The following NR6A1 variants were observed in gnomAD, a reference collection of about 807,000 sequenced individuals.
NR6A1 encodes the protein retinoic acid receptor-related testis-associated receptor.
NR6A1 carries 7 observed loss-of-function variants against 59.1 expected under a neutral mutation model. The observed-to-expected ratio is 0.12, with a 90% confidence interval of 0.07 to 0.22. The LOEUF (loss-of-function observed/expected upper bound fraction) is 0.22, where lower values mean the gene tolerates loss of function less well. NR6A1 is among the 10% of genes least tolerant of loss of function. The pLI is 1.00. For missense variants in NR6A1, 468 were observed against 611.6 expected (o/e 0.77, Z 2.48); for synonymous variants, 243 against 236.1 (o/e 1.03, Z -0.27).
At chr9:124,532,442 A>G (rs758596730) in intron 7 of NR6A1, among the ~76,000 whole-genome samples, 7 of 151,928 alleles carry the variant, frequency 4.6e-5, no homozygotes, top group Non-Finnish European at 7.4e-5. Flanking sequence ...CACCAACACA[A>G]CCCTGCACTG....
chr9:124,747,072 C>CA (rs1004897119), intron 1 of NR6A1, among the ~76,000 whole-genome samples: 1 of 152,004 alleles, frequency 6.6e-6, no homozygotes, highest in Non-Finnish European at 1.5e-5. Flanking sequence ...TAAATACAGA[C>CA]ACATTATCAA....
intron 3 of NR6A1, among the ~76,000 whole-genome samples, chr9:124,552,199 A>T (rs919299392): frequency 6.6e-6 from 1 of 152,222 alleles, no homozygotes; most frequent in African/African-American, 2.4e-5. Context: ...CTTTCATAAG[A>T]TACTCACAGT....
At chr9:124,565,123 G>C (rs535572065) in intron 2 of NR6A1, among the ~76,000 whole-genome samples, 1 of 152,200 alleles carries the variant, frequency 6.6e-6, no homozygotes, top group South Asian at 2.1e-4. Context: ...GAGTTATAAA[G>C]AGATTTTAAA....
intron 2 of NR6A1, among the ~76,000 whole-genome samples, chr9:124,626,218 C>G (rs1304404811): frequency 6.6e-6 from 1 of 152,178 alleles, no homozygotes; most frequent in Non-Finnish European, 1.5e-5. Context: ...GCTGGCCAGG[C>G]TGGTCTTGAA....
chr9:124,635,289 C>T (rs755016881), intron 2 of NR6A1, among the ~76,000 whole-genome samples: 1 of 152,010 alleles, frequency 6.6e-6, no homozygotes, highest in Admixed American at 6.6e-5. Flanking sequence ...GTGTCCCCAC[C>T]GAAATCTCAC....
At chr9:124,654,727 T>C (rs12350777) in intron 2 of NR6A1, among the ~76,000 whole-genome samples, 2,710 of 152,272 alleles carry the variant, frequency 0.018, 82 homozygotes, top group African/African-American at 0.061. Context: ...CCCTATTTTC[T>C]TCACAGTGTA....
At position 124,566,082 on chromosome 9, in the gene NR6A1, G is replaced by C. The variant is rs148996317; in HGVS notation, c.143-11512C>G. On this transcript the variant is annotated intron_variant, in intron 2 of 9. Transcript: ENST00000487099. Reference sequence around the variant, plus strand: ...ATGTTCATTGACATTACTACAGATGGTATGCGTTCAACAATGAAATACTAT... The same window carrying C: ...ATGTTCATTGACATTACTACAGATGCTATGCGTTCAACAATGAAATACTAT... Among the ~76,000 whole-genome samples, 481 of 152,338 alleles carry C rather than the reference G, an allele frequency of 3.2e-3. 2 individuals carry two copies. Among genetic ancestry groups the C allele is most frequent in the Non-Finnish European group, 5.5e-3 (377 of 68,038 alleles).
intron 1 of NR6A1, among the ~76,000 whole-genome samples, chr9:124,741,393 G>A (rs1273108719): frequency 6.6e-6 from 1 of 152,230 alleles, no homozygotes; most frequent in East Asian, 1.9e-4. Context: ...TGCAAATGCA[G>A]TCACTTACTC....
At chr9:124,677,716 T>C (rs1432082901) in intron 2 of NR6A1, among the ~76,000 whole-genome samples, 1 of 152,208 alleles carries the variant, frequency 6.6e-6, no homozygotes, top group Non-Finnish European at 1.5e-5. Flanking sequence ...CCTCGTGACC[T>C]TTCTCTCCAA....
intron 2 of NR6A1, among the ~76,000 whole-genome samples, chr9:124,586,744 C>A (rs970969363): frequency 1.2e-4 from 18 of 152,306 alleles, no homozygotes; most frequent in African/African-American, 4.3e-4. Context: ...CCACCACACC[C>A]AGCCCATGAT....
At chr9:124,568,586 G>A (rs1834345218) in intron 2 of NR6A1, among the ~76,000 whole-genome samples, 1 of 151,682 alleles carries the variant, frequency 6.6e-6, no homozygotes, top group African/African-American at 2.4e-5. Context: ...TGCATGAAAA[G>A]TAAGACAAGT....
At chr9:124,743,772 TG>T (rs1840245124) in intron 1 of NR6A1, among the ~76,000 whole-genome samples, 1 of 152,250 alleles carries the variant, frequency 6.6e-6, no homozygotes, top group Non-Finnish European at 1.5e-5. Flanking sequence ...CAATTCAGTC[TG>T]ATGAGTCAGA....
intron 2 of NR6A1, among the ~76,000 whole-genome samples, chr9:124,709,102 A>G (rs1839208207): frequency 6.6e-6 from 1 of 152,160 alleles, no homozygotes. Flanking sequence ...GGCCCAGCAA[A>G]TAATTCCTAA....
chr9:124,759,440 T>C (rs1664164370), intron 1 of NR6A1, among the ~76,000 whole-genome samples: 1 of 152,180 alleles, frequency 6.6e-6, no homozygotes, highest in Admixed American at 6.5e-5. Context: ...ACACACTGCT[T>C]GACTTAGATA....
chr9:124,588,555 G>A (rs1196691307), intron 2 of NR6A1, among the ~76,000 whole-genome samples: 1 of 148,846 alleles, frequency 6.7e-6, no homozygotes, highest in African/African-American at 2.5e-5. Flanking sequence ...TGATCCACCC[G>A]CTTCGGCCTC....
intron 4 of NR6A1, among the ~76,000 whole-genome samples, chr9:124,543,003 G>A (rs1408007416): frequency 1.3e-5 from 2 of 152,142 alleles, no homozygotes; most frequent in Non-Finnish European, 2.9e-5. Flanking sequence ...GTGCAGGCTG[G>A]CCCAACAAAG....
chr9:124,651,521 G>T (rs893157677), intron 2 of NR6A1, among the ~76,000 whole-genome samples: 5 of 152,200 alleles, frequency 3.3e-5, no homozygotes. Context: ...AATGCTGTAA[G>T]AATTCAAAGT....
chr9:124,740,875 G>A (rs1840155973), intron 1 of NR6A1, among the ~76,000 whole-genome samples: 1 of 151,980 alleles, frequency 6.6e-6, no homozygotes, highest in Non-Finnish European at 1.5e-5. Context: ...CCCAGCCCTG[G>A]GCCTGAGACA....
At position 124,572,086 on chromosome 9, in the gene NR6A1, G is replaced by A. The variant is rs1834454394; in HGVS notation, c.143-17516C>T. Among the ~76,000 whole-genome samples, 3 of 152,138 alleles carry A rather than the reference G, an allele frequency of 2.0e-5. No homozygotes were observed. The South Asian group carries it at 6.2e-4, about 32-fold the overall frequency. ...GAAACAAAGAGCTGTACTAAACAGA[G>A]AGCAGTCAACAGTATGGAGAAACTG... On this transcript the variant is annotated intron_variant, in intron 2 of 9. Coordinates refer to ENST00000487099, the MANE Select transcript of NR6A1 (RefSeq NM_033334.4).
Sources: gnomAD v4.1 joint callset for allele counts (sites outside exome capture counted in the v4.1 genomes callset) on GRCh38, gnomAD v4.1.1 for gene constraint, MANE v1.5 for transcripts, NCBI Gene and HGNC (gene_info 2026-07-23, HGNC 2026-07-21) for gene names.